The following APOBEC3D variants were observed in gnomAD, a reference collection of about 807,000 sequenced individuals.
The protein encoded by APOBEC3D is apolipoprotein B mRNA editing enzyme catalytic subunit 3D.
A neutral mutation model predicts 45.6 loss-of-function variants in APOBEC3D; 37 were observed. The observed-to-expected ratio is 0.81, with a 90% CI of 0.62 to 1.07. The LOEUF (loss-of-function observed/expected upper bound fraction) is 1.07, where lower values mean the gene tolerates loss of function less well. APOBEC3D is among the 50% of genes least tolerant of loss of function. APOBEC3D has a pLI of 0.00. For missense variants in APOBEC3D, 496 were observed against 495.3 expected (o/e 1.00, Z -0.01); for synonymous variants, 175 against 180.7 (o/e 0.97, Z 0.25).
chr22:39,022,807 C>G lies in APOBEC3D; in HGVS notation c.18-15C>G. 6.2e-7 allele frequency: 1 copy of G among 1,600,632 alleles called. No individual in the cohort carries two copies. Among genetic ancestry groups the G allele is most frequent in the Non-Finnish European group, 8.5e-7 (1 of 1,174,464 alleles). ...GGGCTCCCTGCATGGGCCGGTTTCT[C>G]TCTTGTGCCTTCAGAAATCCGATGG... On this transcript the variant is annotated splice_polypyrimidine_tract_variant and intron_variant, in intron 1 of 6. Transcript: ENST00000216099.
rs746629322 is a variant in APOBEC3D, at chr22:39,025,301, C to T, written c.442C>T (p.Leu148Phe). 2.2e-5 allele frequency: 36 copies of T among 1,614,086 alleles called. No individual in the cohort carries two copies. Among genetic ancestry groups the T allele is most frequent in the Non-Finnish European group, 3.1e-5 (36 of 1,180,012 alleles). ...GGATAGAGATTGGCGGTGGGTGCTCCTCAGGCTGCATAAGGCAGGGGCCCG... is the reference window on the plus strand; with the variant it reads ...GGATAGAGATTGGCGGTGGGTGCTCTTCAGGCTGCATAAGGCAGGGGCCCG... Reference protein sequence around the residue: ...YRDRDWRWVLLRLHKAGARVK... With the variant: ...YRDRDWRWVLFRLHKAGARVK... The change falls in exon 3 of 7, where the codon CTC becomes TTC. Residue 148 changes from leucine (L) to phenylalanine (F), a missense_variant. Transcript: ENST00000216099.
At chr22:39,022,060 T>A (rs888955120) in intron 1 of APOBEC3D, among the ~76,000 whole-genome samples, 7 of 152,238 alleles carry the variant, frequency 4.6e-5, no homozygotes, top group African/African-American at 1.4e-4. Context: ...CCAGACAGGT[T>A]CCACTCCAAG....
At chr22:39,021,641 C>A (rs987850836) in intron 1 of APOBEC3D, 105 bp downstream of exon 1, 63 of 1,525,410 alleles carry the variant, frequency 4.1e-5, no homozygotes, top group African/African-American at 2.7e-5. Flanking sequence ...CAGCCCTGGA[C>A]TTCCTTCCCT....
chr22:39,027,343 A>C (rs1328274544), intron 4 of APOBEC3D, among the ~76,000 whole-genome samples: 1 of 152,092 alleles, frequency 6.6e-6, no homozygotes, highest in African/African-American at 2.4e-5. Flanking sequence ...CTGAGTGTGA[A>C]GGCAAGGGGG....
At chr22:39,027,860 C>T (rs1030492498) in intron 4 of APOBEC3D, among the ~76,000 whole-genome samples, 8 of 152,240 alleles carry the variant, frequency 5.3e-5, no homozygotes, top group African/African-American at 1.9e-4. Flanking sequence ...TGCCCCAGCC[C>T]ATGCCCCCTG....
chr22:39,025,821 C>A, intron 4 of APOBEC3D, 150 bp downstream of exon 4: 18 of 1,482,752 alleles, frequency 1.2e-5, no homozygotes, highest in Non-Finnish European at 1.5e-5. Flanking sequence ...CCTCATGCTC[C>A]CTCCACCTTG....
chr22:39,022,309 C>A (rs1925198282), intron 1 of APOBEC3D, among the ~76,000 whole-genome samples: 2 of 152,190 alleles, frequency 1.3e-5, no homozygotes, highest in African/African-American at 4.8e-5. Flanking sequence ...TGCCTCTGAC[C>A]CCTCCTCTGT....
rs763627354 is a variant in APOBEC3D, at chr22:39,025,652, A to G, written c.586A>G (p.Thr196Ala). 2.5e-6 allele frequency: 4 copies of G among 1,614,086 alleles called. No individual in the cohort carries two copies. The Admixed American group carries it at 5.0e-5, about 20-fold the overall frequency. ...FDDNYASLHR[T>A]LKEILRNPME... ...TGACAATTATGCATCCCTGCACCGC[A>G]CGCTAAAGGAGATTCTCAGGTGAGG... The change falls in exon 4 of 7, where the codon ACG becomes GCG. Residue 196 changes from threonine to alanine, a missense_variant. Physicochemically the swap from Thr to Ala is moderately conservative, Grantham distance 58 (BLOSUM62 0). Transcript: ENST00000216099.
chr22:39,030,819 AGGG>A (rs1926135587), intron 5 of APOBEC3D, among the ~76,000 whole-genome samples: 1 of 152,192 alleles, frequency 6.6e-6, no homozygotes. Flanking sequence ...TTCGCACTTG[AGGG>A]CATGATGAGA....
At chr22:39,028,104 C>T (rs1925860222) in intron 4 of APOBEC3D, among the ~76,000 whole-genome samples, 1 of 152,036 alleles carries the variant, frequency 6.6e-6, no homozygotes, top group African/African-American at 2.4e-5. Flanking sequence ...GGTCTCTGTA[C>T]CAGAAAATAA....
Position 39,032,379 on chromosome 22 carries a change from C to G in APOBEC3D, c.*63C>G. 6.3e-7 allele frequency: 1 copy of G among 1,595,348 alleles called. No homozygotes were observed. The highest frequency in any genetic ancestry group is 8.5e-7 in the Non-Finnish European group (1 of 1,171,402). On this transcript the variant is annotated 3_prime_UTR_variant, in exon 7 of 7. Transcript: ENST00000216099. The stretch of plus-strand genomic sequence containing the variant: ...CTCCTGCTCATGCTGCACGGGCCTC[C>G]CCTCCATCCTGCACCAGCTGTGCTT...
chr22:39,023,077 G>T, intron 2 of APOBEC3D, 63 bp downstream of exon 2: 1 of 1,254,228 alleles, frequency 8.0e-7, no homozygotes. Context: ...TCTCAACTGT[G>T]TATTTTTTCC....
intron 5 of APOBEC3D, 122 bp downstream of exon 5, chr22:39,029,641 CTTT>C (rs11440048): frequency 5.1e-4 from 488 of 950,036 alleles, no homozygotes; most frequent in Non-Finnish European, 6.2e-4. Flanking sequence ...ACATTTCTTT[CTTT>C]TTTTTTTTTT....
At chr22:39,024,994 C>A in intron 2 of APOBEC3D, 76 bp from the exon 3 acceptor site, 1 of 740,774 alleles carries the variant, frequency 1.3e-6, no homozygotes, top group Admixed American at 3.1e-5. Flanking sequence ...GTCCTGGCCC[C>A]TCCTCCCCCT....
At chr22:39,032,065 C>T (rs28478729) in intron 6 of APOBEC3D, 92 bp downstream of exon 6, 28 of 1,588,222 alleles carry the variant, frequency 1.8e-5, no homozygotes, top group African/African-American at 6.7e-5. Flanking sequence ...GCAGTGTCCC[C>T]GGGAAGCCTG....
intron 1 of APOBEC3D, 33 bp from the exon 2 acceptor site, chr22:39,022,789 C>T (rs1925249676): frequency 6.3e-7 from 1 of 1,594,278 alleles, no homozygotes. Flanking sequence ...GGAGGGCTCC[C>T]TGCATGGGCC....
chr22:39,026,163 T>G (rs140485763), intron 4 of APOBEC3D, among the ~76,000 whole-genome samples: 3 of 152,232 alleles, frequency 2.0e-5, no homozygotes, highest in African/African-American at 7.2e-5. Flanking sequence ...AGGGCAGGCA[T>G]TTATTTTCTC....
rs759168876 is a variant in APOBEC3D at position 39,025,093 on chromosome 22, C to A, written c.234C>A (p.His78Gln). 4 of 1,581,824 alleles carry A rather than the reference C, an allele frequency of 2.5e-6. No homozygotes were observed. Among genetic ancestry groups the A allele is most frequent in the Admixed American group, 3.4e-5 (2 of 58,696 alleles). Residue 78 changes from histidine (H) to glutamine (Q), a missense_variant, in exon 3 of 7, where the codon CAC becomes CAA. Transcript: ENST00000216099. Reference sequence around the variant, plus strand: ...AGGTGTATTTCCGGTTTGAGAACCACGCAGAAATGTGCTTCTTATCTTGGT... The same window carrying A: ...AGGTGTATTTCCGGTTTGAGAACCAAGCAGAAATGTGCTTCTTATCTTGGT... ...RQEVYFRFEN[H>Q]AEMCFLSWFC...
intron 4 of APOBEC3D, among the ~76,000 whole-genome samples, chr22:39,026,758 T>G (rs1253056750): frequency 1.5e-5 from 2 of 129,492 alleles, no homozygotes; most frequent in East Asian, 2.0e-4. Flanking sequence ...GGTTTTTTTG[T>G]TTTTTTTTTT....
Sources: allele counts gnomAD v4.1 joint callset (sites outside exome capture counted in the v4.1 genomes callset), GRCh38; gene constraint gnomAD v4.1.1; transcripts MANE v1.5; gene names NCBI Gene and HGNC (gene_info 2026-07-23, HGNC 2026-07-21).